The following SOX9 variants were observed in gnomAD, a reference collection of about 807,000 sequenced individuals.
SOX9 encodes the protein transcription factor SOX-9.
In SOX9, 2 loss-of-function variants were observed where a neutral mutation model predicts 44.8. The ratio of observed to expected loss-of-function variants is 0.04; its 90% CI spans 0.02 to 0.14. The LOEUF (loss-of-function observed/expected upper bound fraction) is 0.14. SOX9 is among the 10% of genes least tolerant of loss of function. SOX9 has a pLI of 1.00. For synonymous variants in SOX9, 381 were observed against 331.8 expected, an observed-to-expected ratio of 1.15 and a Z score of -1.61; for missense variants, 583 against 728.6, an observed-to-expected ratio of 0.80 and a Z score of 2.30.
Position 72,121,099 on chromosome 17 carries a change from T to G in SOX9, c.-293T>G. 1 of 541,542 alleles carries G rather than the reference T, an allele frequency of 1.8e-6. No homozygotes were observed. The highest frequency in any genetic ancestry group is 3.6e-5 in the Admixed American group (1 of 28,106). The allele number at this position is 541,542 out of a possible 1,614,324, so 33.5% of individuals were successfully genotyped here. ...TCGCCAGTTTCAACCCCGGAAACTT[T>G]TCTTTGCAGGAGGAGAAGAGAAGGG... On this transcript the variant is annotated 5_prime_UTR_variant, in exon 1 of 3. Coordinates refer to ENST00000245479, the MANE Select transcript of SOX9 (RefSeq NM_000346.4). The surrounding 1 kb of genome is among the most constrained non-coding windows in gnomAD (Gnocchi z 8.3).
In SOX9 at chr17:72,123,941, C is replaced by A; in HGVS notation, c.1084C>A (p.Pro362Thr). The change falls in exon 3 of 3, where the codon CCG becomes ACG. Residue 362 changes from proline (P) to threonine (T), a missense_variant. This residue lies in a region of SOX9 where 349 missense variants were observed against 387.0 expected (regional missense o/e 0.90). Transcript: ENST00000245479. This position sits in a 1 kb window ranked among gnomAD's most constrained non-coding sequence, Gnocchi z 6.5. ...APPAPQAPPQ[P>T]QAAPPQQPAA... ...GCCGGCCCCGCAGGCGCCCCCGCAG[C>A]CGCAGGCGGCGCCCCCACAGCAGCC... The A allele has an allele frequency of 7.5e-7, 1 of 1,333,552 alleles. No homozygotes were observed. The highest frequency in any genetic ancestry group is 2.4e-5 in the South Asian group (1 of 41,078). The allele number at this position is 1,333,552 out of a possible 1,614,324, so 82.6% of individuals were successfully genotyped here. A position where few individuals can be genotyped will look rare whatever the true frequency, so the allele number is the denominator to read the frequency against.
chr17:72,123,945 A>AGGCGGCGCCCCCACAGCAGCC lies in SOX9; in HGVS notation c.1095_1115dup (p.Ala371_Pro377dup). ...GCCCCGCAGGCGCCCCCGCAGCCGC[A>AGGCGGCGCCCCCACAGCAGCC]GGCGGCGCCCCCACAGCAGCCGGCG... is the stretch of plus-strand genomic sequence containing the variant. On this transcript the variant is annotated inframe_insertion, in exon 3 of 3. Coordinates refer to ENST00000245479, the MANE Select transcript of SOX9 (RefSeq NM_000346.4). This position sits in a 1 kb window ranked among gnomAD's most constrained non-coding sequence, Gnocchi z 6.5. 2 of 1,351,468 alleles carry AGGCGGCGCCCCCACAGCAGCC rather than the reference A, an allele frequency of 1.5e-6. No homozygotes were observed. The highest frequency in any genetic ancestry group is 9.5e-7 in the Non-Finnish European group (1 of 1,057,802). 83.7% of individuals were successfully genotyped at this position (1,351,468 alleles called of 1,614,324 possible). A position where few individuals can be genotyped will look rare whatever the true frequency, so the allele number is the denominator to read the frequency against.
chr17:72,121,337 G>A lies in SOX9; in HGVS notation c.-55G>A, dbSNP rs2143235484. On this transcript the variant is annotated 5_prime_UTR_variant, in exon 1 of 3. Coordinates refer to ENST00000245479, the MANE Select transcript of SOX9 (RefSeq NM_000346.4). The surrounding 1 kb of genome is among the most constrained non-coding windows in gnomAD (Gnocchi z 8.3). The stretch of plus-strand genomic sequence containing the variant: ...AGGAGCCCGCGCCTCGAGTCCCCGA[G>A]CCGCCGCGGCTTCTCGCCTTTCCCG... 6.5e-7 allele frequency: 1 copy of A among 1,547,292 alleles called. No individual in the cohort carries two copies. Among genetic ancestry groups the A allele is most frequent in the Admixed American group, 1.7e-5 (1 of 59,264 alleles).
At position 72,125,440 on chromosome 17, in the gene SOX9, G is replaced by T. The variant is rs1299647965; in HGVS notation, c.*1053G>T. On this transcript the variant is annotated 3_prime_UTR_variant, in exon 3 of 3. Transcript: ENST00000245479. Reference sequence around the variant, plus strand: ...GGCCCCATGTGGAAGGCAGATGCCTGCTCGCTCTGTCACCTGTGCCTCTCA... The same window carrying T: ...GGCCCCATGTGGAAGGCAGATGCCTTCTCGCTCTGTCACCTGTGCCTCTCA... 4.4e-6 allele frequency: 1 copy of T among 229,716 alleles called. No individual in the cohort carries two copies. The highest frequency in any genetic ancestry group is 2.2e-5 in the African/African-American group (1 of 45,064). 14.2% of individuals were successfully genotyped at this position (229,716 alleles called of 1,614,324 possible).
rs754935813 is a variant in SOX9 at position 72,122,840 on chromosome 17, G to C, written c.553G>C (p.Gly185Arg). ...GCGGCGGAGGAAGTCGGTGAAGAAC[G>C]GGCAGGCGGAGGCAGAGGAGGCCAC... ...QPRRRKSVKN[G>R]QAEAEEATEQ... Residue 185 changes from glycine (G) to arginine (R), a missense_variant, in exon 2 of 3, where the codon GGG (glycine) becomes CGG (arginine). Physicochemically the swap from Gly to Arg is moderately radical, Grantham distance 125. Around this residue, in one of 7 missense-constraint regions of SOX9, gnomAD observed 88 missense variants for 65.5 expected, o/e 1.34. Coordinates refer to ENST00000245479, the MANE Select transcript of SOX9 (RefSeq NM_000346.4). 2 of 1,614,164 alleles carry C rather than the reference G, an allele frequency of 1.2e-6. No individual in the cohort carries two copies. Among genetic ancestry groups the C allele is most frequent in the Non-Finnish European group, 8.5e-7 (1 of 1,180,032 alleles).
At position 72,121,231 on chromosome 17, in the gene SOX9, C is replaced by T. The variant is rs1281291238; in HGVS notation, c.-161C>T. On this transcript the variant is annotated 5_prime_UTR_variant, in exon 1 of 3. Transcript: ENST00000245479. This position sits in a 1 kb window ranked among gnomAD's most constrained non-coding sequence, Gnocchi z 8.3. Reference sequence around the variant, plus strand: ...TGTGAACTGGCCACCCCGCGCCTTCCTAAGTGCTCGCCGCGGTAGCCGGCC... The same window carrying T: ...TGTGAACTGGCCACCCCGCGCCTTCTTAAGTGCTCGCCGCGGTAGCCGGCC... 1.0e-5 allele frequency: 7 copies of T among 667,498 alleles called. No individual in the cohort carries two copies. Among genetic ancestry groups the T allele is most frequent in the Admixed American group, 2.7e-5 (1 of 36,810 alleles). The allele number at this position is 667,498 out of a possible 1,614,324, so 41.3% of individuals were successfully genotyped here.
In SOX9 at chr17:72,123,594, A is replaced by C. The variant is rs773882079; in HGVS notation, c.737A>C (p.Gln246Pro). ...CCCACCACCCCCAAAACCGACGTGC[A>C]GCCGGGCAAGGCTGACCTGAAGCGA... ...TPPTTPKTDV[Q>P]PGKADLKREG... Residue 246 changes from glutamine to proline, a missense_variant, in exon 3 of 3, where the codon CAG (glutamine) becomes CCG (proline). Physicochemically the swap from Gln to Pro is moderately conservative, Grantham distance 76 (BLOSUM62 -1). This residue lies in a region of SOX9 where 349 missense variants were observed against 387.0 expected (regional missense o/e 0.90). Transcript: ENST00000245479. The surrounding 1 kb of genome is among the most constrained non-coding windows in gnomAD (Gnocchi z 6.5). The C allele has an allele frequency of 2.0e-5, 28 of 1,406,218 alleles. No homozygotes were observed. The highest frequency in any genetic ancestry group is 2.7e-5 in the Non-Finnish European group (28 of 1,044,368). 87.1% of individuals were successfully genotyped at this position (1,406,218 alleles called of 1,614,324 possible).
Position 72,126,096 on chromosome 17 carries a change from T to TA in SOX9, c.*1710dup. The TA allele has an allele frequency of 8.6e-6, 2 of 232,116 alleles. No individual in the cohort carries two copies. The highest frequency in any genetic ancestry group is 2.6e-3 in the Middle Eastern group (2 of 778). 14.4% of individuals were successfully genotyped at this position (232,116 alleles called of 1,614,324 possible). The stretch of plus-strand genomic sequence containing the variant: ...AAAAAAGACAGCAAACTTTTTTTTT[T>TA]ATTTAAAAAAAGATATATTAACAGT... On this transcript the variant is annotated 3_prime_UTR_variant, in exon 3 of 3. Transcript: ENST00000245479.
In SOX9 at chr17:72,121,912, TC is replaced by T. The variant is rs939195809; in HGVS notation, c.431+91del. 3 of 1,423,244 alleles carry T rather than the reference TC, an allele frequency of 2.1e-6. No homozygotes were observed. The highest frequency in any genetic ancestry group is 2.8e-6 in the Non-Finnish European group (3 of 1,080,390). The allele number at this position is 1,423,244 out of a possible 1,614,324, so 88.2% of individuals were successfully genotyped here. ...CTGATTTGCCCCGCCCCGCCTCCCA[TC>T]GCCCGGGAGTTGCCGTTCCGGGAGC... On this transcript the variant is annotated intron_variant, in intron 1 of 2. Transcript: ENST00000245479. The surrounding 1 kb of genome is among the most constrained non-coding windows in gnomAD (Gnocchi z 8.3).
chr17:72,124,927 C>A lies in SOX9; in HGVS notation c.*540C>A. The A allele has an allele frequency of 4.1e-6, 1 of 242,038 alleles. No individual in the cohort carries two copies. Among genetic ancestry groups the A allele is most frequent in the Non-Finnish European group, 8.2e-6 (1 of 121,674 alleles). 15.0% of individuals were successfully genotyped at this position (242,038 alleles called of 1,614,324 possible). On this transcript the variant is annotated 3_prime_UTR_variant, in exon 3 of 3. Transcript: ENST00000245479. The surrounding 1 kb of genome is among the most constrained non-coding windows in gnomAD (Gnocchi z 4.6). Reference sequence around the variant, plus strand: ...TGCTCTTATTTTTCCAACAGCTAAACTACTCTTAGTTGAACAGTGTGCCCT... The same window carrying A: ...TGCTCTTATTTTTCCAACAGCTAAAATACTCTTAGTTGAACAGTGTGCCCT...
rs1908242709 is a variant in SOX9, at chr17:72,125,120, C to T, written c.*733C>T. On this transcript the variant is annotated 3_prime_UTR_variant, in exon 3 of 3. Transcript: ENST00000245479. ...GCTTTGCGATTTAAGGAGGAGCTGC[C>T]TTAAAAAAAAATAAAGGCCTTATTT... 4.4e-6 allele frequency: 1 copy of T among 225,440 alleles called. No individual in the cohort carries two copies. The highest frequency in any genetic ancestry group is 8.8e-6 in the Non-Finnish European group (1 of 113,476). The allele number at this position is 225,440 out of a possible 1,614,324, so 14.0% of individuals were successfully genotyped here.
In SOX9 at chr17:72,125,761, T is replaced by G. The variant is rs1908266877; in HGVS notation, c.*1374T>G. 3 of 227,186 alleles carry G rather than the reference T, an allele frequency of 1.3e-5. No homozygotes were observed. Among genetic ancestry groups the G allele is most frequent in the Non-Finnish European group, 8.8e-6 (1 of 114,060 alleles). 14.1% of individuals were successfully genotyped at this position (227,186 alleles called of 1,614,324 possible). A position where few individuals can be genotyped will look rare whatever the true frequency, so the allele number is the denominator to read the frequency against. On this transcript the variant is annotated 3_prime_UTR_variant, in exon 3 of 3. Coordinates refer to ENST00000245479, the MANE Select transcript of SOX9 (RefSeq NM_000346.4). ...TATAAATGCCTTTTTGTCCATCCCT[T>G]TTTTCTTTGTTGTTTTTGTTGAAAA...
chr17:72,123,919 G>C lies in SOX9; in HGVS notation c.1062G>C (p.Pro354=), dbSNP rs868845946. 8 of 1,289,864 alleles carry C rather than the reference G, an allele frequency of 6.2e-6. No individual in the cohort carries two copies. Among genetic ancestry groups the C allele is most frequent in the Middle Eastern group, 2.8e-4 (1 of 3,636 alleles). The allele number at this position is 1,289,864 out of a possible 1,614,324, so 79.9% of individuals were successfully genotyped here. A position where few individuals can be genotyped will look rare whatever the true frequency, so the allele number is the denominator to read the frequency against. The change falls in exon 3 of 3, where the codon CCG becomes CCC. Residue 354 remains proline (P), a synonymous_variant. Coordinates refer to ENST00000245479, the MANE Select transcript of SOX9 (RefSeq NM_000346.4). The surrounding 1 kb of genome is among the most constrained non-coding windows in gnomAD (Gnocchi z 6.5). ...CGCAGCAGCCCCCACAGGCCCCGCC[G>C]GCCCCGCAGGCGCCCCCGCAGCCGC... ...PPPQQPPQAP[P]APQAPPQPQA...
In SOX9 at chr17:72,123,889, A is replaced by ACCCCCGCAGCAG; in HGVS notation, c.1038_1049dup (p.Gln348_Gln351dup). 1 of 1,481,186 alleles carries ACCCCCGCAGCAG rather than the reference A, an allele frequency of 6.8e-7. No individual in the cohort carries two copies. Among genetic ancestry groups the ACCCCCGCAGCAG allele is most frequent in the Non-Finnish European group, 8.9e-7 (1 of 1,117,540 alleles). The allele number at this position is 1,481,186 out of a possible 1,614,324, so 91.8% of individuals were successfully genotyped here. A position where few individuals can be genotyped will look rare whatever the true frequency, so the allele number is the denominator to read the frequency against. ...TGTCCAAGCAGCAGGCGCCGCCGCC[A>ACCCCCGCAGCAG]CCCCCGCAGCAGCCCCCACAGGCCC... On this transcript the variant is annotated inframe_insertion, in exon 3 of 3. Transcript: ENST00000245479. This position sits in a 1 kb window ranked among gnomAD's most constrained non-coding sequence, Gnocchi z 6.5.
Position 72,123,825 on chromosome 17 carries a change from G to T in SOX9, c.968G>T (p.Ser323Ile). The change falls in exon 3 of 3, where the codon AGC (serine) becomes ATC (isoleucine). Residue 323 changes from serine to isoleucine, a missense_variant. Ser to Ile is a moderately radical substitution (Grantham distance 142, BLOSUM62 -2). Transcript: ENST00000245479. The surrounding 1 kb of genome is among the most constrained non-coding windows in gnomAD (Gnocchi z 6.5). ...VTYTGSYGISSTAATPASAGH... is the reference protein window; with the variant it reads ...VTYTGSYGISITAATPASAGH... ...TACACGGGCAGCTACGGCATCAGCA[G>T]CACCGCGGCCACCCCGGCGAGCGCG... 6.2e-7 allele frequency: 1 copy of T among 1,608,576 alleles called. No homozygotes were observed.
In SOX9 at chr17:72,124,530, C is replaced by G. The variant is rs1357428107; in HGVS notation, c.*143C>G. The G allele has an allele frequency of 1.8e-6, 2 of 1,099,834 alleles. No individual in the cohort carries two copies. The highest frequency in any genetic ancestry group is 2.7e-6 in the Non-Finnish European group (2 of 752,498). 68.1% of individuals were successfully genotyped at this position (1,099,834 alleles called of 1,614,324 possible). A position where few individuals can be genotyped will look rare whatever the true frequency, so the allele number is the denominator to read the frequency against. On this transcript the variant is annotated 3_prime_UTR_variant, in exon 3 of 3. Coordinates refer to ENST00000245479, the MANE Select transcript of SOX9 (RefSeq NM_000346.4). This position sits in a 1 kb window ranked among gnomAD's most constrained non-coding sequence, Gnocchi z 4.6. The stretch of plus-strand genomic sequence containing the variant: ...TTGTTTTTTCTTCTTCTTCTTCTTC[C>G]TTAAAGACATTTAAGCTAAAGGCAA...
At position 72,124,142 on chromosome 17, in the gene SOX9, A is replaced by G. The variant is rs1221019467; in HGVS notation, c.1285A>G (p.Ser429Gly). 1.8e-5 allele frequency: 29 copies of G among 1,613,444 alleles called. No individual in the cohort carries two copies. The highest frequency in any genetic ancestry group is 2.3e-5 in the Non-Finnish European group (27 of 1,179,954). ...CAGCCCCTTCAACCTCCCACACTACAGCCCCTCCTACCCGCCCATCACCCG... is the reference window on the plus strand; with the variant it reads ...CAGCCCCTTCAACCTCCCACACTACGGCCCCTCCTACCCGCCCATCACCCG... Reference protein sequence around the residue: ...AYSPFNLPHYSPSYPPITRSQ... With the variant: ...AYSPFNLPHYGPSYPPITRSQ... Residue 429 changes from serine to glycine, a missense_variant, in exon 3 of 3, where the codon AGC becomes GGC. Transcript: ENST00000245479. This position sits in a 1 kb window ranked among gnomAD's most constrained non-coding sequence, Gnocchi z 4.6.
intron 1 of SOX9, 36 bp from the exon 2 acceptor site, chr17:72,122,683 T>A (rs2143244635): frequency 1.9e-6 from 3 of 1,605,838 alleles, no homozygotes; most frequent in Non-Finnish European, 2.6e-6. Context: ...CCCCTCTCCC[T>A]CTTTTTCTCT....
In SOX9 at chr17:72,121,280, C is replaced by A. The variant is rs553739814; in HGVS notation, c.-112C>A. 6.0e-6 allele frequency: 6 copies of A among 994,514 alleles called. No homozygotes were observed. In the East Asian group the frequency reaches 7.7e-5, roughly 13 times the overall value. 61.6% of individuals were successfully genotyped at this position (994,514 alleles called of 1,614,324 possible). On this transcript the variant is annotated 5_prime_UTR_variant, in exon 1 of 3. Transcript: ENST00000245479. The surrounding 1 kb of genome is among the most constrained non-coding windows in gnomAD (Gnocchi z 8.3). ...CCGACGCGCCAGCTTCCCCGGGAGC[C>A]GCTTGCTCCGCATCCGGGCAGCCGA... is the stretch of plus-strand genomic sequence containing the variant.
Sources: allele counts gnomAD v4.1 joint callset, GRCh38; gene constraint gnomAD v4.1.1; regional missense constraint gnomAD v4.1.1; non-coding constraint Gnocchi (gnomAD v3.1); transcripts MANE v1.5; gene names NCBI Gene and HGNC (gene_info 2026-07-23, HGNC 2026-07-21).